The following DOCK4 variants were observed in gnomAD, a reference collection of about 807,000 sequenced individuals.
DOCK4 encodes dedicator of cytokinesis protein 4.
A neutral mutation model predicts 268.1 loss-of-function variants in DOCK4; 97 were observed. The observed-to-expected ratio is 0.36, with a 90% CI of 0.31 to 0.43. DOCK4 has a LOEUF of 0.43. Among genes scored for constraint, DOCK4 ranks in the 20% least tolerant of loss-of-function variants. The pLI is 1.00. For missense variants in DOCK4, 2,145 were observed against 2,455.7 expected, an observed-to-expected ratio of 0.87 and a Z score of 2.67; for synonymous variants, 954 against 887.2, an observed-to-expected ratio of 1.08 and a Z score of -1.34.
intron 30 of DOCK4, among the ~76,000 whole-genome samples, chr7:111,804,391 CAT>C (rs1479363980): frequency 6.6e-6 from 1 of 152,038 alleles, no homozygotes. Flanking sequence ...TAGTTAAATT[CAT>C]AGAGACAGAA....
At chr7:112,084,204 A>C (rs1808855017) in intron 1 of DOCK4, among the ~76,000 whole-genome samples, 1 of 152,194 alleles carries the variant, frequency 6.6e-6, no homozygotes, top group Non-Finnish European at 1.5e-5. Context: ...AGTGAGAATG[A>C]ATGAAAATTA....
chr7:112,148,230 G>T (rs1051120585), intron 1 of DOCK4, among the ~76,000 whole-genome samples: 5 of 152,094 alleles, frequency 3.3e-5, no homozygotes, highest in African/African-American at 4.8e-5. Context: ...TTATAATAGG[G>T]ATTCCAGTGA....
At chr7:112,084,775 C>T (rs764618314) in intron 1 of DOCK4, among the ~76,000 whole-genome samples, 5 of 152,106 alleles carry the variant, frequency 3.3e-5, no homozygotes, top group Non-Finnish European at 7.4e-5. Flanking sequence ...ATCACAGTGA[C>T]ATGACTTGTT....
chr7:111,869,089 G>A (rs1806211901), intron 21 of DOCK4, among the ~76,000 whole-genome samples: 1 of 152,150 alleles, frequency 6.6e-6, no homozygotes, highest in Non-Finnish European at 1.5e-5. Context: ...ACAGACAACT[G>A]AGCATATGGT....
rs1563052141 is a variant in DOCK4 at position 112,066,693 on chromosome 7, A to ATGTATGTATGTATGTGTGTG, written c.38-62563_38-62562insCACACACATACATACATACA. On this transcript the variant is annotated intron_variant, in intron 1 of 52. Transcript: ENST00000428084. ...TACATATACATATATACATATACAT[A>ATGTATGTATGTATGTGTGTG]TATATATATATATATATATATATAT... Among the ~76,000 whole-genome samples, 24 of 8,018 alleles carry ATGTATGTATGTATGTGTGTG rather than the reference A, an allele frequency of 3.0e-3. 1 individual carries two copies. Among genetic ancestry groups the ATGTATGTATGTATGTGTGTG allele is most frequent in the African/African-American group, 6.4e-3 (24 of 3,756 alleles). 5.3% of individuals were successfully genotyped at this position (8,018 alleles called of 152,430 possible).
At chr7:112,003,977 G>T in intron 2 of DOCK4, 71 bp downstream of exon 2, 1 of 1,164,860 alleles carries the variant, frequency 8.6e-7, no homozygotes, top group Non-Finnish European at 1.2e-6. Context: ...GAGATTAATA[G>T]CGGTATGGAC....
intron 1 of DOCK4, among the ~76,000 whole-genome samples, chr7:112,144,021 T>C (rs1815186428): frequency 6.6e-6 from 1 of 152,046 alleles, no homozygotes; most frequent in Non-Finnish European, 1.5e-5. Context: ...GTGGAAAGAG[T>C]ATGGGGCTTG....
At chr7:111,771,375 T>A (rs1272973137) in intron 36 of DOCK4, among the ~76,000 whole-genome samples, 1 of 152,348 alleles carries the variant, frequency 6.6e-6, no homozygotes, top group East Asian at 1.9e-4. Flanking sequence ...CAGAGGCAGC[T>A]GGGCACAAGA....
intron 36 of DOCK4, among the ~76,000 whole-genome samples, chr7:111,770,785 A>G (rs1413278756): frequency 1.3e-5 from 2 of 152,252 alleles, no homozygotes; most frequent in Non-Finnish European, 2.9e-5. Flanking sequence ...AGATGGTATC[A>G]ATAATGGTAA....
At chr7:111,953,017 G>A (rs768898162) in intron 8 of DOCK4, among the ~76,000 whole-genome samples, 8 of 152,106 alleles carry the variant, frequency 5.3e-5, no homozygotes, top group African/African-American at 1.4e-4. Flanking sequence ...CTTGAGCCTC[G>A]GAGTTCAAGA....
At position 111,862,012 on chromosome 7, in the gene DOCK4, A is replaced by G. The variant is rs545782683; in HGVS notation, c.2473+1360T>C. ...TGATGAATTTCTTATTAAAAAATCT[A>G]AAGCAAGGCCGGGTGCGGTGACTCA... On this transcript the variant is annotated intron_variant, in intron 23 of 52. Transcript: ENST00000428084. 9.2e-5 allele frequency among the ~76,000 whole-genome samples: 14 copies of G among 152,216 alleles called. No individual in the cohort carries two copies. The South Asian group carries it at 2.9e-3, about 32-fold the overall frequency.
At chr7:111,935,964 C>T (rs528164547) in intron 11 of DOCK4, among the ~76,000 whole-genome samples, 1 of 152,324 alleles carries the variant, frequency 6.6e-6, no homozygotes, top group South Asian at 2.1e-4. Flanking sequence ...GATTCAAATT[C>T]TCACTATTAA....
intron 21 of DOCK4, 90 bp downstream of exon 21, chr7:111,869,484 A>G (rs1278385234): frequency 9.0e-7 from 1 of 1,114,594 alleles, no homozygotes; most frequent in Admixed American, 1.8e-5. Context: ...ATCATCACCC[A>G]TTACTGTCTG....
intron 1 of DOCK4, among the ~76,000 whole-genome samples, chr7:112,058,368 T>A (rs1479625202): frequency 1.3e-5 from 2 of 152,180 alleles, no homozygotes; most frequent in East Asian, 3.8e-4. Flanking sequence ...TGACATGATG[T>A]AATATGCTTA....
intron 44 of DOCK4, among the ~76,000 whole-genome samples, chr7:111,745,534 A>G (rs1034225091): frequency 6.6e-6 from 1 of 151,892 alleles, no homozygotes; most frequent in Non-Finnish European, 1.5e-5. Context: ...TGCAAAAAAA[A>G]TTAGCCAGGT....
intron 1 of DOCK4, among the ~76,000 whole-genome samples, chr7:112,172,497 T>C (rs1417546161): frequency 6.6e-6 from 1 of 152,216 alleles, no homozygotes; most frequent in Non-Finnish European, 1.5e-5. Flanking sequence ...TTCCACTTCC[T>C]TTGTATCAAG....
At chr7:112,023,288 G>A (rs2135421398) in intron 1 of DOCK4, among the ~76,000 whole-genome samples, 1 of 152,266 alleles carries the variant, frequency 6.6e-6, no homozygotes, top group East Asian at 1.9e-4. Flanking sequence ...CAAAGCTGAG[G>A]GAAGCATGTG....
At chr7:111,820,523 T>C (rs557080737) in intron 27 of DOCK4, 4 of 152,192 alleles carry the variant, frequency 2.6e-5, no homozygotes, top group Non-Finnish European at 5.9e-5. Context: ...CTGAACAGTG[T>C]GTGTTTACGC....
intron 2 of DOCK4, among the ~76,000 whole-genome samples, chr7:112,000,743 T>G (rs992485157): frequency 6.6e-6 from 1 of 152,158 alleles, no homozygotes; most frequent in African/African-American, 2.4e-5. Flanking sequence ...TAAAAAACTG[T>G]ATCAAAAATT....
Sources: allele counts gnomAD v4.1 joint callset (sites outside exome capture counted in the v4.1 genomes callset), GRCh38; gene constraint gnomAD v4.1.1; transcripts MANE v1.5; gene names NCBI Gene and HGNC (gene_info 2026-07-23, HGNC 2026-07-21).